ADAMTS18: variants seen among roughly 807,000 people sequenced by gnomAD.
ADAMTS18 encodes ADAM metallopeptidase with thrombospondin type 1 motif 18.
Under a neutral mutation model 165.9 loss-of-function variants are expected in ADAMTS18, and 157 were observed. The observed-to-expected ratio is 0.95, with a 90% confidence interval of 0.83 to 1.08. The LOEUF is 1.08. Among genes scored for constraint, ADAMTS18 ranks in the 50% least tolerant of loss-of-function variants. The probability of loss-of-function intolerance (pLI) is 0.00; values close to 1 mark genes in which losing one functional copy is unlikely to be tolerated. For synonymous variants in ADAMTS18, 782 were observed against 578.2 expected (o/e 1.35, Z -5.06); for missense variants, 2,040 against 1,534.0 (o/e 1.33, Z -5.51).
chr16:77,316,872 GGCCAGTCT>G (rs1386979999), intron 16 of ADAMTS18, among the ~76,000 whole-genome samples: 1 of 152,034 alleles, frequency 6.6e-6, no homozygotes, highest in Non-Finnish European at 1.5e-5. Flanking sequence ...TCACCATGTA[GGCCAGTCT>G]GGTCTCATAC....
Position 77,431,531 on chromosome 16 carries a change from T to C in ADAMTS18, c.259A>G (p.Lys87Glu), listed in dbSNP as rs1567562398. ...CTTCTGGCATTCTGCGCCGATCGCT[T>C]TTTCCTGCCGTTGTGCAAAATGTCG... ...SHDILHNGRK[K>E]RSAQNARSSL... is the part of the protein sequence containing the mutation. The change falls in exon 3 of 23, where the codon AAG becomes GAG. Residue 87 changes from lysine to glutamate, a missense_variant. Physicochemically the swap from Lys to Glu is moderately conservative, Grantham distance 56. Transcript: ENST00000282849. 6.2e-7 allele frequency: 1 copy of C among 1,614,192 alleles called. No homozygotes were observed. Among genetic ancestry groups the C allele is most frequent in the Non-Finnish European group, 8.5e-7 (1 of 1,180,040 alleles).
intron 10 of ADAMTS18, among the ~76,000 whole-genome samples, chr16:77,352,370 G>C (rs1227416119): frequency 6.6e-6 from 1 of 152,124 alleles, no homozygotes; most frequent in African/African-American, 2.4e-5. Flanking sequence ...ATAGTGACTG[G>C]TACCAGTCAC....
At chr16:77,360,041 AC>A (rs1384845517) in intron 7 of ADAMTS18, among the ~76,000 whole-genome samples, 1 of 152,222 alleles carries the variant, frequency 6.6e-6, no homozygotes, top group Non-Finnish European at 1.5e-5. Context: ...ATCTTCAAAT[AC>A]AATACAGTGT....
intron 8 of ADAMTS18, among the ~76,000 whole-genome samples, chr16:77,359,076 C>G (rs527625274): frequency 7.9e-5 from 12 of 152,240 alleles, no homozygotes; most frequent in Admixed American, 5.2e-4. Flanking sequence ...GCCTAGCAGC[C>G]CAGAGACCCC....
At chr16:77,288,238 G>T (rs913487616) in intron 22 of ADAMTS18, among the ~76,000 whole-genome samples, 5 of 152,108 alleles carry the variant, frequency 3.3e-5, no homozygotes, top group African/African-American at 1.2e-4. Context: ...GTCGTTGGGG[G>T]TGCTGGTGGC....
chr16:77,367,356 T>C (rs530162265), intron 4 of ADAMTS18, 85 bp downstream of exon 4: 1 of 1,545,448 alleles, frequency 6.5e-7, no homozygotes, highest in African/African-American at 1.4e-5. Context: ...CATTTTGACT[T>C]GCAAAGCTTG....
At chr16:77,358,561 C>G (rs1282645623) in intron 8 of ADAMTS18, among the ~76,000 whole-genome samples, 1 of 151,446 alleles carries the variant, frequency 6.6e-6, no homozygotes, top group Non-Finnish European at 1.5e-5. Context: ...GACTCTGTCT[C>G]AAAAAAAGAA....
intron 12 of ADAMTS18, among the ~76,000 whole-genome samples, chr16:77,333,200 C>G (rs962689589): frequency 6.6e-6 from 1 of 152,094 alleles, no homozygotes; most frequent in Non-Finnish European, 1.5e-5. Flanking sequence ...TCCCTCGGTG[C>G]ACATGGACTT....
intron 2 of ADAMTS18, among the ~76,000 whole-genome samples, chr16:77,433,227 T>A (rs939289531): frequency 6.6e-6 from 1 of 152,204 alleles, no homozygotes; most frequent in African/African-American, 2.4e-5. Context: ...ATGCAGGAAG[T>A]CTGTGTCTCA....
intron 16 of ADAMTS18, among the ~76,000 whole-genome samples, chr16:77,313,918 C>A (rs575270979): frequency 6.6e-6 from 1 of 152,168 alleles, no homozygotes; most frequent in Non-Finnish European, 1.5e-5. Context: ...ATCCAGAAAT[C>A]TTTAATAAGA....
At chr16:77,345,014 A>G (rs1373932006) in intron 10 of ADAMTS18, among the ~76,000 whole-genome samples, 2 of 152,078 alleles carry the variant, frequency 1.3e-5, no homozygotes, top group Non-Finnish European at 2.9e-5. Flanking sequence ...AATTTAAGGG[A>G]AAAAAAGAAA....
intron 11 of ADAMTS18, among the ~76,000 whole-genome samples, chr16:77,336,123 T>C (rs946005819): frequency 6.6e-6 from 1 of 152,194 alleles, no homozygotes; most frequent in East Asian, 1.9e-4. Flanking sequence ...AGAAGTGGCA[T>C]TGTTCACCAA....
intron 3 of ADAMTS18, among the ~76,000 whole-genome samples, chr16:77,396,629 A>C (rs1167298356): frequency 6.6e-6 from 1 of 152,184 alleles, no homozygotes; most frequent in African/African-American, 2.4e-5. Context: ...GAGGAAGTTC[A>C]AAATTCCAGC....
rs182829993 is a variant in ADAMTS18 at position 77,324,324 on chromosome 16, T to C, written c.2032+1542A>G. ...CGCTGGGACCTGCTGTGCAGCATGC[T>C]TCCTACGAAATCACTCAGCTCCTGG... On this transcript the variant is annotated intron_variant, in intron 13 of 22. Transcript: ENST00000282849. Among the ~76,000 whole-genome samples the C allele has an allele frequency of 1.2e-3, 186 of 152,344 alleles. 2 individuals carry two copies. The highest frequency in any genetic ancestry group is 4.3e-3 in the African/African-American group (177 of 41,580).
chr16:77,328,337 T>G (rs1265330682), intron 12 of ADAMTS18, among the ~76,000 whole-genome samples: 1 of 152,150 alleles, frequency 6.6e-6, no homozygotes, highest in East Asian at 1.9e-4. Context: ...TTGTATAACA[T>G]GAAAGGCGGC....
chr16:77,292,844 G>A (rs2055389935), intron 20 of ADAMTS18, among the ~76,000 whole-genome samples: 1 of 151,950 alleles, frequency 6.6e-6, no homozygotes, highest in African/African-American at 2.4e-5. Context: ...TTTTGAGACA[G>A]AGTCTCACTC....
chr16:77,295,063 T>G lies in ADAMTS18; in HGVS notation c.2866A>C (p.Ile956Leu). Residue 956 changes from isoleucine (I) to leucine (L), a missense_variant, in exon 19 of 23, where the codon ATC becomes CTC. Physicochemically the swap from Ile to Leu is conservative, Grantham distance 5 (BLOSUM62 2). Transcript: ENST00000282849. Reference protein sequence around the residue: ...ACAGGQQSRKIQCVQKKPFQK... With the variant: ...ACAGGQQSRKLQCVQKKPFQK... Reference sequence around the variant, plus strand: ...AAGGGCTTCTTTTGCACACACTGGATCTTTCGGCTCTGCTGGCCTCCAGCA... The same window carrying G: ...AAGGGCTTCTTTTGCACACACTGGAGCTTTCGGCTCTGCTGGCCTCCAGCA... The G allele has an allele frequency of 6.2e-7, 1 of 1,614,172 alleles. No individual in the cohort carries two copies. The highest frequency in any genetic ancestry group is 8.5e-7 in the Non-Finnish European group (1 of 1,180,028).
chr16:77,341,329 C>G (rs1355474685), intron 11 of ADAMTS18, among the ~76,000 whole-genome samples: 2 of 152,046 alleles, frequency 1.3e-5, no homozygotes, highest in Non-Finnish European at 2.9e-5. Context: ...GTAGCCGAAG[C>G]CTTGGTCTGG....
chr16:77,334,937 A>G (rs1471858172), intron 12 of ADAMTS18, among the ~76,000 whole-genome samples: 1 of 140,636 alleles, frequency 7.1e-6, no homozygotes, highest in African/African-American at 2.6e-5. Context: ...TATATACTGT[A>G]TTTTATAGTA....
Sources: allele counts gnomAD v4.1 joint callset (sites outside exome capture counted in the v4.1 genomes callset), GRCh38; gene constraint gnomAD v4.1.1; transcripts MANE v1.5; gene names NCBI Gene and HGNC (gene_info 2026-07-23, HGNC 2026-07-21).